Variants in PTGES3L observed in about 807,000 individuals in gnomAD.
PTGES3L encodes the protein putative protein PTGES3L.
PTGES3L carries 17 observed loss-of-function variants against 25.0 expected under a neutral mutation model. The ratio of observed to expected loss-of-function variants is 0.68; its 90% CI spans 0.47 to 1.02. The LOEUF (loss-of-function observed/expected upper bound fraction) is 1.02. PTGES3L is among the 50% of genes least tolerant of loss of function. The probability of loss-of-function intolerance (pLI) is 0.00; values close to 1 mark genes in which losing one functional copy is unlikely to be tolerated. For missense variants in PTGES3L, 202 were observed against 197.5 expected (o/e 1.02, Z -0.14); for synonymous variants, 59 against 65.7 (o/e 0.90, Z 0.50).
intron 4 of PTGES3L, among the ~76,000 whole-genome samples, 182 bp downstream of exon 4, chr17:42,978,988 G>A (rs967666211): frequency 6.6e-6 from 1 of 151,996 alleles, no homozygotes; most frequent in African/African-American, 2.4e-5. Context: ...CAACAAGAGT[G>A]AAACTCCGTC....
chr17:42,975,530 AG>A (rs2049938916), intron 4 of PTGES3L, among the ~76,000 whole-genome samples: 1 of 152,184 alleles, frequency 6.6e-6, no homozygotes. Context: ...CTCAACCTAA[AG>A]GGCAGGAAAT....
In PTGES3L at chr17:42,969,190, G is replaced by GGC. The variant is rs2049786045; in HGVS notation, c.433-5_433-4insGC. ...CATCAGCACTGTCAGAATCATCCTG[G>GGC]GGGCGGGGGGGAAAAAAGACAAAGC... On this transcript the variant is annotated splice_polypyrimidine_tract_variant and splice_region_variant and intron_variant, in intron 6 of 6. Coordinates refer to ENST00000591916, the MANE Select transcript of PTGES3L (RefSeq NM_001261430.2). The GGC allele has an allele frequency of 4.6e-6, 5 of 1,078,900 alleles. No homozygotes were observed. The African/African-American group carries it at 7.5e-5, about 16-fold the overall frequency. 66.8% of individuals were successfully genotyped at this position (1,078,900 alleles called of 1,614,324 possible). A position where few individuals can be genotyped will look rare whatever the true frequency, so the allele number is the denominator to read the frequency against.
intron 4 of PTGES3L, 79 bp from the exon 5 acceptor site, chr17:42,971,775 G>GT: frequency 6.8e-7 from 1 of 1,481,362 alleles, no homozygotes; most frequent in Non-Finnish European, 9.4e-7. Flanking sequence ...CATATGCATG[G>GT]GAGCACGCCT....
intron 6 of PTGES3L, among the ~76,000 whole-genome samples, 183 bp downstream of exon 6, chr17:42,970,106 G>C (rs1273521239): frequency 6.6e-6 from 1 of 152,068 alleles, no homozygotes; most frequent in African/African-American, 2.4e-5. Flanking sequence ...CAACCTGGGC[G>C]AAAGAGTGAA....
At chr17:42,974,361 G>GAAA (rs552661431) in intron 4 of PTGES3L, among the ~76,000 whole-genome samples, 1 of 101,190 alleles carries the variant, frequency 9.9e-6, no homozygotes. Flanking sequence ...ACTCTGTCTC[G>GAAA]AAAAAAAAAA....
chr17:42,975,957 G>C (rs142313058), intron 4 of PTGES3L, among the ~76,000 whole-genome samples: 1 of 151,166 alleles, frequency 6.6e-6, no homozygotes, highest in Non-Finnish European at 1.5e-5. Flanking sequence ...TTACAGTCAC[G>C]AGCCACCGAA....
intron 6 of PTGES3L, among the ~76,000 whole-genome samples, chr17:42,969,401 CTTTTTTTTT>C (rs67136149): frequency 5.5e-5 from 4 of 73,016 alleles, no homozygotes; most frequent in Admixed American, 1.7e-4. Context: ...AGTTTCAGGA[CTTTTTTTTT>C]TTTTTTTTTT....
At chr17:42,975,276 CA>C (rs2049934366) in intron 4 of PTGES3L, among the ~76,000 whole-genome samples, 1 of 151,978 alleles carries the variant, frequency 6.6e-6, no homozygotes, top group Admixed American at 6.6e-5. Flanking sequence ...ATGGGAACCC[CA>C]AAAGGAGTCA....
intron 4 of PTGES3L, among the ~76,000 whole-genome samples, chr17:42,975,801 G>A (rs548421277): frequency 6.0e-5 from 8 of 133,014 alleles, no homozygotes; most frequent in Non-Finnish European, 9.8e-5. Flanking sequence ...CTCAGCCTCC[G>A]GAGCAGCTGG....
rs2049782015 is a variant in PTGES3L, at chr17:42,969,082, G to A, written c.*66C>T. The A allele has an allele frequency of 8.0e-7, 1 of 1,246,404 alleles. No homozygotes were observed. The highest frequency in any genetic ancestry group is 1.1e-6 in the Non-Finnish European group (1 of 870,752). 77.2% of individuals were successfully genotyped at this position (1,246,404 alleles called of 1,614,324 possible). ...AGCCAAAGCGCTGACAAAGGCCTAG[G>A]CGCTAGCTTTCTAGAACAACTGGAA... On this transcript the variant is annotated 3_prime_UTR_variant, in exon 7 of 7. Coordinates refer to ENST00000591916, the MANE Select transcript of PTGES3L (RefSeq NM_001261430.2).
At chr17:42,971,902 C>G in intron 4 of PTGES3L, 1 of 539,714 alleles carries the variant, frequency 1.9e-6, no homozygotes, top group East Asian at 3.3e-5. Flanking sequence ...AGAAGTCCTA[C>G]CCTCCGGCCA....
chr17:42,978,144 C>T (rs184922025), intron 4 of PTGES3L, among the ~76,000 whole-genome samples: 12 of 148,916 alleles, frequency 8.1e-5, no homozygotes, highest in East Asian at 2.0e-4. Context: ...CATTGGCTCA[C>T]GCCTGTAATC....
chr17:42,970,143 A>C (rs781644178), intron 6 of PTGES3L, 146 bp downstream of exon 6: 300 of 939,256 alleles, frequency 3.2e-4, no homozygotes, highest in Non-Finnish European at 4.5e-4. Flanking sequence ...CCAAAAAAAG[A>C]ATATTAGCCC....
At chr17:42,973,917 C>T (rs1221110839) in intron 4 of PTGES3L, among the ~76,000 whole-genome samples, 1 of 140,900 alleles carries the variant, frequency 7.1e-6, no homozygotes, top group Non-Finnish European at 1.5e-5. Context: ...TGTTTATCTG[C>T]TGACCTTCCC....
At chr17:42,973,518 C>T (rs950500703) in intron 4 of PTGES3L, among the ~76,000 whole-genome samples, 1 of 151,948 alleles carries the variant, frequency 6.6e-6, no homozygotes, top group African/African-American at 2.4e-5. Context: ...TGAGAACGGG[C>T]CAGGATGACA....
At chr17:42,976,963 T>C (rs901408725) in intron 4 of PTGES3L, among the ~76,000 whole-genome samples, 2 of 152,162 alleles carry the variant, frequency 1.3e-5, no homozygotes, top group African/African-American at 4.8e-5. Flanking sequence ...AAGAGGTCAG[T>C]AGAGCCTGGT....
chr17:42,969,036 T>C lies in PTGES3L; in HGVS notation c.*112A>G. 1 of 761,036 alleles carries C rather than the reference T, an allele frequency of 1.3e-6. No individual in the cohort carries two copies. The highest frequency in any genetic ancestry group is 2.2e-6 in the Non-Finnish European group (1 of 452,414). The allele number at this position is 761,036 out of a possible 1,614,324, so 47.1% of individuals were successfully genotyped here. ...AAGAGCTTCTAGGAAAGTTCAGAGA[T>C]CTCAGAAGAACTTGGTGCACAGCCA... On this transcript the variant is annotated 3_prime_UTR_variant, in exon 7 of 7. Transcript: ENST00000591916.
At chr17:42,977,681 GAGAA>G (rs2049983027) in intron 4 of PTGES3L, among the ~76,000 whole-genome samples, 1 of 120,606 alleles carries the variant, frequency 8.3e-6, no homozygotes, top group African/African-American at 3.5e-5. Context: ...GAGAGAGAGA[GAGAA>G]AGAAAGAAAA....
rs2049767122 is a variant in PTGES3L, at chr17:42,968,138, C to T, written c.*1010G>A. The T allele has an allele frequency of 6.6e-6, 1 of 152,162 alleles. No individual in the cohort carries two copies. Among genetic ancestry groups the T allele is most frequent in the South Asian group, 2.1e-4 (1 of 4,830 alleles). The allele number at this position is 152,162 out of a possible 1,614,324, so 9.4% of individuals were successfully genotyped here. A position where few individuals can be genotyped will look rare whatever the true frequency, so the allele number is the denominator to read the frequency against. On this transcript the variant is annotated 3_prime_UTR_variant, in exon 7 of 7. Coordinates refer to ENST00000591916, the MANE Select transcript of PTGES3L (RefSeq NM_001261430.2). The stretch of plus-strand genomic sequence containing the variant: ...GCATTTATTTTGTTTAAGTTACAGT[C>T]AACTGTACATATTAGGCACTCAAAA...
Sources: gnomAD v4.1 joint callset for allele counts (sites outside exome capture counted in the v4.1 genomes callset) on GRCh38, gnomAD v4.1.1 for gene constraint, MANE v1.5 for transcripts, NCBI Gene and HGNC (gene_info 2026-07-23, HGNC 2026-07-21) for gene names.